SLC12A8: variants seen among roughly 807,000 people sequenced by gnomAD.
The protein encoded by SLC12A8 is cation-chloride cotransporter 9.
SLC12A8 carries 69 observed loss-of-function variants against 75.6 expected under a neutral mutation model. That is an observed-to-expected ratio of 0.91 (90% CI 0.75 to 1.11). The LOEUF (loss-of-function observed/expected upper bound fraction) is 1.11. Among genes scored for constraint, SLC12A8 ranks in the 50% most tolerant of loss-of-function variants. The pLI, the probability that SLC12A8 is intolerant of heterozygous loss-of-function variation, is 0.00. For missense variants in SLC12A8, 877 were observed against 896.7 expected (o/e 0.98, Z 0.28); for synonymous variants, 365 against 372.8 (o/e 0.98, Z 0.24).
intron 2 of SLC12A8, among the ~76,000 whole-genome samples, chr3:125,199,394 G>A (rs553368565): frequency 6.6e-6 from 1 of 152,184 alleles, no homozygotes; most frequent in African/African-American, 2.4e-5. Flanking sequence ...AAATAAATAG[G>A]TTGCAAAACA....
intron 5 of SLC12A8, among the ~76,000 whole-genome samples, chr3:125,139,962 T>C (rs1560065119): frequency 6.6e-6 from 1 of 152,176 alleles, no homozygotes; most frequent in Non-Finnish European, 1.5e-5. Flanking sequence ...GACCTTAAGG[T>C]TCGAGACCTC....
chr3:125,172,399 G>T (rs546637768), intron 5 of SLC12A8, among the ~76,000 whole-genome samples: 44 of 151,882 alleles, frequency 2.9e-4, no homozygotes, highest in African/African-American at 1.0e-3. Flanking sequence ...CTTGTCTTAA[G>T]GATACTAAAA....
chr3:125,092,162 A>G lies in SLC12A8; in HGVS notation c.1742T>C (p.Val581Ala). Residue 581 changes from valine to alanine, a missense_variant, in exon 11 of 14, where the codon GTC becomes GCC. Physicochemically the swap from Val to Ala is moderately conservative, Grantham distance 64 (BLOSUM62 0). Coordinates refer to ENST00000469902, the MANE Select transcript of SLC12A8 (RefSeq NM_024628.6). ...ATAGAAAGAAGTGGATCTTCTCCAG[A>G]CATCTTGTTCTTGGAGCCTGGACTT... The part of the protein sequence containing the change: ...FLKSRLQEQD[V>A]WRRSTSFYTH... 3 of 1,613,092 alleles carry G rather than the reference A, an allele frequency of 1.9e-6. No individual in the cohort carries two copies. The South Asian group carries it at 3.3e-5, about 18-fold the overall frequency.
At chr3:125,130,029 A>G (rs486178) in intron 6 of SLC12A8, among the ~76,000 whole-genome samples, 149,080 of 152,264 alleles carry the variant, frequency 0.98, 73,054 homozygotes, top group East Asian at 1. Flanking sequence ...TCTTCACCTC[A>G]GTTGGGCCAA....
chr3:125,206,617 G>C (rs1935231530), intron 2 of SLC12A8: 1 of 152,238 alleles, frequency 6.6e-6, no homozygotes, highest in African/African-American at 2.4e-5. Context: ...CAGAGAAAAA[G>C]TGTGTATTAG....
chr3:125,105,944 C>T (rs774448204), intron 10 of SLC12A8, among the ~76,000 whole-genome samples: 4 of 152,124 alleles, frequency 2.6e-5, no homozygotes, highest in Admixed American at 6.6e-5. Flanking sequence ...GCAGGAGAAC[C>T]GCTTGAACCC....
chr3:125,087,655 G>A (rs1358134740), intron 13 of SLC12A8, among the ~76,000 whole-genome samples: 1 of 152,184 alleles, frequency 6.6e-6, no homozygotes, highest in Non-Finnish European at 1.5e-5. Flanking sequence ...GAGGGTGGGT[G>A]TAATTCCCCA....
intron 2 of SLC12A8, among the ~76,000 whole-genome samples, chr3:125,203,784 A>G (rs1393123911): frequency 6.6e-6 from 1 of 152,230 alleles, no homozygotes; most frequent in African/African-American, 2.4e-5. Context: ...AGGAAACAGT[A>G]GAGTGAAAAG....
rs568867664 is a variant in SLC12A8 at position 125,196,745 on chromosome 3, A to T, written c.52-6224T>A. Among the ~76,000 whole-genome samples the T allele has an allele frequency of 2.0e-5, 3 of 152,324 alleles. 1 individual carries two copies. In the South Asian group the frequency reaches 6.2e-4, roughly 32 times the overall value. On this transcript the variant is annotated intron_variant, in intron 2 of 13. Coordinates refer to ENST00000469902, the MANE Select transcript of SLC12A8 (RefSeq NM_024628.6). ...GGTGTTTAAGACCAGCCTGAGCAAC[A>T]TAATGAGACCACACCTCTACAAAAA...
intron 5 of SLC12A8, among the ~76,000 whole-genome samples, chr3:125,159,517 G>A (rs115763604): frequency 0.016 from 2,501 of 152,342 alleles, 64 homozygotes; most frequent in African/African-American, 0.057. Context: ...CAAGAAAATG[G>A]AATGTCAAGT....
At chr3:125,211,544 G>A (rs1325505964) in intron 1 of SLC12A8, 150 bp from the exon 2 acceptor site, 5 of 625,352 alleles carry the variant, frequency 8.0e-6, no homozygotes, top group East Asian at 5.5e-5. Context: ...AAACTTGGCC[G>A]GGTTACCTTT....
intron 4 of SLC12A8, among the ~76,000 whole-genome samples, chr3:125,182,919 T>G (rs1187077294): frequency 6.6e-6 from 1 of 152,190 alleles, no homozygotes; most frequent in Non-Finnish European, 1.5e-5. Context: ...ACCTCAAGGG[T>G]GTGGGGGAAA....
chr3:125,138,818 G>A (rs919962616), intron 5 of SLC12A8, among the ~76,000 whole-genome samples: 21 of 148,706 alleles, frequency 1.4e-4, no homozygotes, highest in Non-Finnish European at 2.5e-4. Flanking sequence ...GACCAGCCTG[G>A]GCAACACAGA....
intron 12 of SLC12A8, 68 bp from the exon 13 acceptor site, chr3:125,088,438 A>C: frequency 7.3e-7 from 1 of 1,369,884 alleles, no homozygotes; most frequent in Admixed American, 1.7e-5. Context: ...GCTCAGTTTT[A>C]ATAGGGTGAA....
At chr3:125,155,342 C>A (rs928329374) in intron 5 of SLC12A8, among the ~76,000 whole-genome samples, 1 of 152,046 alleles carries the variant, frequency 6.6e-6, no homozygotes, top group Non-Finnish European at 1.5e-5. Context: ...TGCTTACAAG[C>A]AGAAATATAC....
chr3:125,091,482 G>A lies in SLC12A8; in HGVS notation c.1878C>T (p.Ile626=), dbSNP rs748338760. ...TGGCCCGGCCAATGTAGAAATACAC[G>A]ATGGCAGCAACACCCATGTTAACCA... The part of the protein sequence containing the change: ...YTLVNMGVAA[I]VYFYIGRASP... Residue 626 remains isoleucine, a synonymous_variant, in exon 12 of 14, where the codon ATC becomes ATT. Coordinates refer to ENST00000469902, the MANE Select transcript of SLC12A8 (RefSeq NM_024628.6). 6.2e-6 allele frequency: 10 copies of A among 1,613,856 alleles called. No homozygotes were observed. The Admixed American group carries it at 6.7e-5, about 11-fold the overall frequency.
At chr3:125,179,301 C>A (rs1460519378) in intron 4 of SLC12A8, among the ~76,000 whole-genome samples, 1 of 152,150 alleles carries the variant, frequency 6.6e-6, no homozygotes, top group Non-Finnish European at 1.5e-5. Flanking sequence ...TGTCTCCCCA[C>A]CCCACCACCA....
chr3:125,199,764 A>G (rs1322118532), intron 2 of SLC12A8, among the ~76,000 whole-genome samples: 1 of 152,154 alleles, frequency 6.6e-6, no homozygotes, highest in African/African-American at 2.4e-5. Flanking sequence ...ATAAAATAAA[A>G]TACATTTTTA....
intron 5 of SLC12A8, among the ~76,000 whole-genome samples, chr3:125,176,157 C>T (rs1934522425): frequency 6.6e-6 from 1 of 152,184 alleles, no homozygotes; most frequent in Non-Finnish European, 1.5e-5. Flanking sequence ...CACAAAAAGA[C>T]AGCATATCAT....
Sources: allele counts gnomAD v4.1 joint callset (sites outside exome capture counted in the v4.1 genomes callset), GRCh38; gene constraint gnomAD v4.1.1; transcripts MANE v1.5; gene names NCBI Gene and HGNC (gene_info 2026-07-23, HGNC 2026-07-21).